CASS4: variants seen among roughly 807,000 people sequenced by gnomAD.
CASS4 encodes the protein Cas scaffold protein family member 4.
Under a neutral mutation model 54.2 loss-of-function variants are expected in CASS4, and 22 were observed. That is an observed-to-expected ratio of 0.41 (90% CI 0.29 to 0.58). The LOEUF (loss-of-function observed/expected upper bound fraction) is 0.58, where lower values mean the gene tolerates loss of function less well. Ranked by LOEUF, CASS4 falls within the 20% of genes least tolerant of loss-of-function variation. The pLI, the probability that CASS4 is intolerant of heterozygous loss-of-function variation, is 0.36. For missense variants in CASS4, 854 were observed against 986.7 expected, an observed-to-expected ratio of 0.87 and a Z score of 1.80; for synonymous variants, 409 against 391.5, an observed-to-expected ratio of 1.04 and a Z score of -0.53.
intron 2 of CASS4, among the ~76,000 whole-genome samples, chr20:56,440,988 A>T (rs28540576): frequency 0.064 from 8,578 of 134,866 alleles, 699 homozygotes; most frequent in African/African-American, 0.18. Context: ...AAAAAAAAAA[A>T]TTTTTTTTTT....
At chr20:56,436,105 G>T (rs956378129) in intron 1 of CASS4, among the ~76,000 whole-genome samples, 26 of 151,982 alleles carry the variant, frequency 1.7e-4, no homozygotes, top group African/African-American at 6.0e-4. Flanking sequence ...ATGTACCTGG[G>T]TCTGGGCCTG....
intron 1 of CASS4, among the ~76,000 whole-genome samples, chr20:56,435,201 A>G (rs1476190662): frequency 2.0e-5 from 3 of 152,206 alleles, no homozygotes; most frequent in African/African-American, 7.2e-5. Context: ...GGTATTTTTC[A>G]GCATTGGTCT....
intron 1 of CASS4, among the ~76,000 whole-genome samples, chr20:56,424,976 A>G (rs1261738629): frequency 6.6e-6 from 1 of 152,188 alleles, no homozygotes; most frequent in African/African-American, 2.4e-5. Context: ...CCAGGAGGAA[A>G]GTAGGGACAT....
intron 1 of CASS4, among the ~76,000 whole-genome samples, chr20:56,435,081 G>A (rs1190635761): frequency 6.6e-6 from 1 of 152,222 alleles, no homozygotes; most frequent in Non-Finnish European, 1.5e-5. Context: ...TGTGGGGGAT[G>A]TTCAATGTCT....
intron 1 of CASS4, among the ~76,000 whole-genome samples, chr20:56,418,907 T>C (rs867541200): frequency 2.6e-4 from 40 of 152,134 alleles, no homozygotes; most frequent in African/African-American, 8.7e-4. Context: ...AAATAATTAT[T>C]ATGACTAATA....
In CASS4 at chr20:56,430,688, C is replaced by A. The variant is rs1375483803; in HGVS notation, c.37-6476C>A. ...CAATGTCCAGTGCTCCCTGCACGCC[C>A]AGCCTGACCATAACAGCCTGAGCCC... On this transcript the variant is annotated intron_variant, in intron 1 of 5. Coordinates refer to ENST00000679887, the MANE Select transcript of CASS4 (RefSeq NM_020356.4). The surrounding 1 kb of genome is among the most constrained non-coding windows in gnomAD (Gnocchi z 4.2). Among the ~76,000 whole-genome samples the A allele has an allele frequency of 6.6e-6, 1 of 152,168 alleles. No individual in the cohort carries two copies. The highest frequency in any genetic ancestry group is 1.5e-5 in the Non-Finnish European group (1 of 68,038).
In CASS4 at chr20:56,458,800, A is replaced by C. The variant is rs4811697; in HGVS notation, c.*53A>C. 546,869 of 1,481,016 alleles carry C rather than the reference A, an allele frequency of 0.37. 110,999 individuals are homozygous for C. Among genetic ancestry groups the C allele is most frequent in the East Asian group, 0.94 (38,595 of 40,954 alleles). The allele number at this position is 1,481,016 out of a possible 1,614,324, so 91.7% of individuals were successfully genotyped here. A position where few individuals can be genotyped will look rare whatever the true frequency, so the allele number is the denominator to read the frequency against. ...CTCACCTCTCAGCTTCACACCCACA[A>C]CTTGTGCAACTCTGCCCTATGGGAA... On this transcript the variant is annotated 3_prime_UTR_variant, in exon 6 of 6. Transcript: ENST00000679887.
At chr20:56,421,818 A>G (rs1441236268) in intron 1 of CASS4, among the ~76,000 whole-genome samples, 1 of 150,972 alleles carries the variant, frequency 6.6e-6, no homozygotes, top group African/African-American at 2.4e-5. Context: ...GCCTTTCCTC[A>G]CTTTTTTCCT....
intron 1 of CASS4, among the ~76,000 whole-genome samples, chr20:56,424,459 G>A (rs750731993): frequency 4.6e-5 from 7 of 152,054 alleles, no homozygotes; most frequent in Admixed American, 2.0e-4. Context: ...ATACAGCTTC[G>A]GCCAGGCATG....
intron 1 of CASS4, among the ~76,000 whole-genome samples, chr20:56,434,389 A>G (rs1196824281): frequency 6.6e-6 from 1 of 152,240 alleles, no homozygotes; most frequent in African/African-American, 2.4e-5. Context: ...ACTGTTTTAA[A>G]GAATATTGAA....
chr20:56,412,283 C>A lies in CASS4; in HGVS notation c.-176C>A. The stretch of plus-strand genomic sequence containing the variant: ...TTCATTTTACTCTTATCGTGCTTTC[C>A]AGAAAGTTTGCCTGCTGGGAGAGTC... On this transcript the variant is annotated 5_prime_UTR_variant, in exon 1 of 6. Transcript: ENST00000679887. The surrounding 1 kb of genome is among the most constrained non-coding windows in gnomAD (Gnocchi z 4.2). 1.5e-6 allele frequency: 1 copy of A among 685,298 alleles called. No individual in the cohort carries two copies. Among genetic ancestry groups the A allele is most frequent in the Non-Finnish European group, 2.5e-6 (1 of 396,528 alleles). The allele number at this position is 685,298 out of a possible 1,614,324, so 42.5% of individuals were successfully genotyped here. A position where few individuals can be genotyped will look rare whatever the true frequency, so the allele number is the denominator to read the frequency against.
chr20:56,451,875 A>G lies in CASS4; in HGVS notation c.699A>G (p.Thr233=), dbSNP rs1981017764. 1.9e-6 allele frequency: 3 copies of G among 1,614,092 alleles called. No homozygotes were observed. The highest frequency in any genetic ancestry group is 2.7e-5 in the African/African-American group (2 of 75,042). ...CCTTAAGAAGAGGCGGTTACAGCACATTACCAAATCCTCAGAAATCGGAAT... is the reference window on the plus strand; with the variant it reads ...CCTTAAGAAGAGGCGGTTACAGCACGTTACCAAATCCTCAGAAATCGGAAT... ...VTTLRRGGYS[T]LPNPQKSEWI... is the part of the protein sequence containing the mutation. Residue 233 remains threonine, a synonymous_variant, in exon 5 of 6, where the codon ACA becomes ACG. Coordinates refer to ENST00000679887, the MANE Select transcript of CASS4 (RefSeq NM_020356.4).
Position 56,453,350 on chromosome 20 carries a change from G to A in CASS4, c.1953+221G>A, listed in dbSNP as rs76018789. 4.9e-3 allele frequency: 1,845 copies of A among 377,790 alleles called. 35 individuals are homozygous for A. The highest frequency in any genetic ancestry group is 0.035 in the African/African-American group (1,699 of 48,398). 23.4% of individuals were successfully genotyped at this position (377,790 alleles called of 1,614,324 possible). On this transcript the variant is annotated intron_variant, in intron 5 of 5. Coordinates refer to ENST00000679887, the MANE Select transcript of CASS4 (RefSeq NM_020356.4). ...ATAGGCAGATAGGTCAGTTGATTTGGATTTCTTCCGAAAACTTTTGGCGTT... is the reference window on the plus strand; with the variant it reads ...ATAGGCAGATAGGTCAGTTGATTTGAATTTCTTCCGAAAACTTTTGGCGTT...
At chr20:56,425,691 A>G (rs1318023164) in intron 1 of CASS4, among the ~76,000 whole-genome samples, 2 of 152,384 alleles carry the variant, frequency 1.3e-5, no homozygotes, top group East Asian at 3.9e-4. Context: ...TCTTCTTCCA[A>G]TAGAACAGAA....
At chr20:56,443,692 G>A (rs1165151483) in intron 2 of CASS4, among the ~76,000 whole-genome samples, 1 of 152,096 alleles carries the variant, frequency 6.6e-6, no homozygotes, top group Non-Finnish European at 1.5e-5. Flanking sequence ...AAGTCTAAGC[G>A]AAGCTGTGTC....
rs142890117 is a variant in CASS4 at position 56,437,149 on chromosome 20, C to T, written c.37-15C>T. On this transcript the variant is annotated splice_polypyrimidine_tract_variant and intron_variant, in intron 1 of 5. Transcript: ENST00000679887. The surrounding 1 kb of genome is among the most constrained non-coding windows in gnomAD (Gnocchi z 4.7). ...GTGCTAACTGCAAATTCTCTTCTCC[C>T]CTCTCCACCCACAGGCACTCCTGGC... The T allele has an allele frequency of 6.6e-7, 1 of 1,525,626 alleles. No individual in the cohort carries two copies. Among genetic ancestry groups the T allele is most frequent in the Non-Finnish European group, 8.8e-7 (1 of 1,134,536 alleles). The allele number at this position is 1,525,626 out of a possible 1,614,324, so 94.5% of individuals were successfully genotyped here. A position where few individuals can be genotyped will look rare whatever the true frequency, so the allele number is the denominator to read the frequency against.
At chr20:56,442,317 T>C (rs1980499429) in intron 2 of CASS4, among the ~76,000 whole-genome samples, 1 of 151,836 alleles carries the variant, frequency 6.6e-6, no homozygotes, top group Admixed American at 6.5e-5. Flanking sequence ...CTCTTCATTT[T>C]ACAGATGAGG....
intron 1 of CASS4, among the ~76,000 whole-genome samples, chr20:56,421,766 C>T (rs1285000191): frequency 5.9e-5 from 9 of 152,122 alleles, no homozygotes; most frequent in African/African-American, 1.4e-4. Context: ...GGCATAATTG[C>T]TTACGACCCA....
chr20:56,443,558 T>C (rs1197275013), intron 2 of CASS4, among the ~76,000 whole-genome samples: 2 of 146,562 alleles, frequency 1.4e-5, no homozygotes, highest in Non-Finnish European at 3.0e-5. Context: ...CCTGAGACCA[T>C]CAGGAACAAA....
Sources: gnomAD v4.1 joint callset for allele counts (sites outside exome capture counted in the v4.1 genomes callset) on GRCh38, gnomAD v4.1.1 for gene constraint, Gnocchi (gnomAD v3.1) non-coding constraint, MANE v1.5 for transcripts, NCBI Gene and HGNC (gene_info 2026-07-23, HGNC 2026-07-21) for gene names.